SPC25: variants seen among roughly 807,000 people sequenced by gnomAD.
SPC25 encodes the protein kinetochore protein Spc25.
Under a neutral mutation model 29.6 loss-of-function variants are expected in SPC25, and 22 were observed. The observed-to-expected ratio is 0.74, with a 90% confidence interval of 0.53 to 1.06. The LOEUF (loss-of-function observed/expected upper bound fraction) is 1.06. Among genes scored for constraint, SPC25 ranks in the 50% least tolerant of loss-of-function variants. The pLI is 0.00. For synonymous variants in SPC25, 91 were observed against 90.4 expected, an observed-to-expected ratio of 1.01 and a Z score of -0.04; for missense variants, 230 against 255.8, an observed-to-expected ratio of 0.90 and a Z score of 0.69.
chr2:168,875,375 C>T (rs1690066987), intron 5 of SPC25, among the ~76,000 whole-genome samples: 1 of 152,178 alleles, frequency 6.6e-6, no homozygotes, highest in South Asian at 2.1e-4. Context: ...GTTGAACTAT[C>T]ATAAGTCAGG....
At chr2:168,863,831 G>GAGTT (rs1308898952) in intron 4 of SPC25, among the ~76,000 whole-genome samples, 1 of 152,164 alleles carries the variant, frequency 6.6e-6, no homozygotes, top group Non-Finnish European at 1.5e-5. Context: ...CACCAAGAAA[G>GAGTT]AGTTTGGTGA....
chr2:168,889,202 C>T (rs1393628030), intron 3 of SPC25, 24 bp downstream of exon 3: 1 of 1,599,406 alleles, frequency 6.3e-7, no homozygotes, highest in Non-Finnish European at 8.5e-7. Flanking sequence ...AAAAAAACCC[C>T]ATGATTTATA....
chr2:168,864,892 T>C, intron 4 of SPC25: 1 of 1,614,000 alleles, frequency 6.2e-7, no homozygotes, highest in Non-Finnish European at 8.5e-7. Context: ...GATCTTTGAA[T>C]GGGAAAAAAG....
In SPC25 at chr2:168,871,540, G is replaced by C. The variant is rs1401199504; in HGVS notation, c.566C>G (p.Pro189Arg). The C allele has an allele frequency of 6.3e-7, 1 of 1,578,820 alleles. No homozygotes were observed. The highest frequency in any genetic ancestry group is 1.4e-5 in the African/African-American group (1 of 69,732). ...ARDYEVSDSA[P>R]HLEGLAEFQE... The stretch of plus-strand genomic sequence containing the variant: ...AAATTCTGCTAGGCCCTCAAGATGA[G>C]GGGCACTATCTGACACTAGAAAAAA... Residue 189 changes from proline to arginine, a missense_variant, in exon 7 of 7, where the codon CCT becomes CGT. Pro to Arg is a moderately radical substitution (Grantham distance 103). Coordinates refer to ENST00000282074, the MANE Select transcript of SPC25 (RefSeq NM_020675.4).
chr2:168,872,053 T>C (rs151289183), intron 6 of SPC25, among the ~76,000 whole-genome samples: 3,059 of 152,120 alleles, frequency 0.02, 81 homozygotes, highest in African/African-American at 0.068. Flanking sequence ...CCCAGCTCAC[T>C]GCAAACTGCC....
chr2:168,875,984 A>C, intron 5 of SPC25, 88 bp downstream of exon 5: 1 of 652,324 alleles, frequency 1.5e-6, no homozygotes, highest in Non-Finnish European at 2.3e-6. Flanking sequence ...TCATTATTTT[A>C]GTTGAAAATA....
chr2:168,881,956 G>A (rs1690183123), intron 3 of SPC25, among the ~76,000 whole-genome samples: 1 of 152,222 alleles, frequency 6.6e-6, no homozygotes, highest in Admixed American at 6.5e-5. Flanking sequence ...CAGGCAACAG[G>A]AAAATCTCGT....
chr2:168,864,907 T>C (rs1272910845), intron 4 of SPC25: 8 of 1,613,972 alleles, frequency 5.0e-6, no homozygotes, highest in Middle Eastern at 3.3e-4. Flanking sequence ...AAAAAGGCCA[T>C]TTTCCTGCCG....
At chr2:168,889,622 T>C (rs1690356365) in intron 1 of SPC25, 89 bp from the exon 2 acceptor site, 1 of 1,359,516 alleles carries the variant, frequency 7.4e-7, no homozygotes. Flanking sequence ...TTTGGCAATT[T>C]GTCCTTTGCT....
Position 168,873,572 on chromosome 2 carries a change from T to C in SPC25, c.550+13A>G. On this transcript the variant is annotated intron_variant, in intron 6 of 6. Transcript: ENST00000282074. ...CCAATCTTAAATACCAGTTAGGAGA[T>C]ATTAGTACATACCTTCATAGTCCCT... 2 of 1,563,182 alleles carry C rather than the reference T, an allele frequency of 1.3e-6. No homozygotes were observed. The highest frequency in any genetic ancestry group is 1.8e-6 in the Non-Finnish European group (2 of 1,137,044).
chr2:168,863,031 C>A (rs113729443), intron 4 of SPC25, among the ~76,000 whole-genome samples: 1 of 2,924 alleles, frequency 3.4e-4, no homozygotes, highest in Non-Finnish European at 5.1e-4. Flanking sequence ...GAATAAAAGA[C>A]AGACATACTT....
chr2:168,879,188 C>A lies in SPC25; in HGVS notation c.200-1804G>T, dbSNP rs117127191. 4.8e-3 allele frequency among the ~76,000 whole-genome samples: 735 copies of A among 152,254 alleles called. 9 individuals carry two copies. The East Asian group carries it at 0.053, about 11-fold the overall frequency. ...GTGGCAATTTATTATAATAGGACAA[C>A]AATAAAGTTTGCTGCATTAATCAAC... is the stretch of plus-strand genomic sequence containing the variant. On this transcript the variant is annotated intron_variant, in intron 3 of 6. Coordinates refer to ENST00000282074, the MANE Select transcript of SPC25 (RefSeq NM_020675.4).
chr2:168,865,489 T>G (rs1184479171), intron 4 of SPC25: 1 of 153,650 alleles, frequency 6.5e-6, no homozygotes, highest in Non-Finnish European at 1.4e-5. Flanking sequence ...TGGTAGGATA[T>G]CTCTGACAAA....
chr2:168,864,847 T>C (rs773541469), intron 4 of SPC25: 1 of 1,613,904 alleles, frequency 6.2e-7, no homozygotes, highest in Admixed American at 1.7e-5. Flanking sequence ...ACATTGTGAT[T>C]ATACACGAGA....
At chr2:168,878,546 C>A (rs1268947948) in intron 3 of SPC25, among the ~76,000 whole-genome samples, 6 of 152,226 alleles carry the variant, frequency 3.9e-5, no homozygotes, top group African/African-American at 1.4e-4. Flanking sequence ...AAGTTTCTGG[C>A]CAAGACAAGA....
chr2:168,877,931 T>C (rs1286272490), intron 3 of SPC25, among the ~76,000 whole-genome samples: 1 of 144,986 alleles, frequency 6.9e-6, no homozygotes, highest in Non-Finnish European at 1.5e-5. Context: ...ACTCTTAGGC[T>C]CAAGCAATCC....
At chr2:168,862,848 A>G (rs1340331353) in intron 4 of SPC25, among the ~76,000 whole-genome samples, 1 of 152,214 alleles carries the variant, frequency 6.6e-6, no homozygotes, top group Non-Finnish European at 1.5e-5. Flanking sequence ...GAGTAACGTT[A>G]TGGGAGAAAG....
Position 168,877,373 on chromosome 2 carries a change from G to C in SPC25, c.211C>G (p.Gln71Glu), listed in dbSNP as rs777230560. ...TTTTTTTCTTGAATGAGCTTATTTT[G>C]CCTGCTGATCTCTGTAAGAAGCACA... ...FLEYQNQISR[Q>E]NKLIQEKKDN... The change falls in exon 4 of 7, where the codon CAA (glutamine) becomes GAA (glutamate). Residue 71 changes from glutamine (Q) to glutamate (E), a missense_variant. Gln to Glu is a conservative substitution (Grantham distance 29). Transcript: ENST00000282074. 142 of 1,613,076 alleles carry C rather than the reference G, an allele frequency of 8.8e-5. No individual in the cohort carries two copies. Among genetic ancestry groups the C allele is most frequent in the Non-Finnish European group, 1.2e-4 (138 of 1,179,750 alleles).
intron 6 of SPC25, 151 bp downstream of exon 6, chr2:168,873,434 C>G: frequency 3.7e-6 from 2 of 546,046 alleles, no homozygotes; most frequent in Non-Finnish European, 6.6e-6. Flanking sequence ...TATTCACTTC[C>G]TTTAGAAGAC....
Sources: gnomAD v4.1 joint callset for allele counts (sites outside exome capture counted in the v4.1 genomes callset) on GRCh38, gnomAD v4.1.1 for gene constraint, MANE v1.5 for transcripts, NCBI Gene and HGNC (gene_info 2026-07-23, HGNC 2026-07-21) for gene names.